The following CNTNAP2 variants were observed in gnomAD, a reference collection of about 807,000 sequenced individuals.
CNTNAP2 encodes the protein contactin associated protein 2.
Under a neutral mutation model 155.2 loss-of-function variants are expected in CNTNAP2, and 98 were observed. The observed-to-expected ratio is 0.63, with a 90% confidence interval of 0.54 to 0.75. The LOEUF is 0.75. Ranked by LOEUF, CNTNAP2 falls within the 30% of genes least tolerant of loss-of-function variation. The pLI, the probability that CNTNAP2 is intolerant of heterozygous loss-of-function variation, is 0.00. For synonymous variants in CNTNAP2, 651 were observed against 631.2 expected (o/e 1.03, Z -0.47); for missense variants, 1,727 against 1,688.1 (o/e 1.02, Z -0.40).
chr7:148,312,223 G>C (rs972211414), intron 21 of CNTNAP2, among the ~76,000 whole-genome samples: 2 of 152,162 alleles, frequency 1.3e-5, no homozygotes, highest in Admixed American at 1.3e-4. Context: ...TCTTGTGTAA[G>C]AATTCTGACC....
Position 148,175,729 on chromosome 7 carries a change from A to G in CNTNAP2, c.3010+3251A>G, listed in dbSNP as rs561092751. ...AGGTCATAAAATAGCCCAGGGGGAC[A>G]GATAAGCTAAGTCTCACCCCTGTAT... On this transcript the variant is annotated intron_variant, in intron 18 of 23. Transcript: ENST00000361727. 2.3e-3 allele frequency among the ~76,000 whole-genome samples: 345 copies of G among 152,274 alleles called. 3 individuals are homozygous for G. The highest frequency in any genetic ancestry group is 0.017 in the Middle Eastern group (5 of 294).
intron 1 of CNTNAP2, among the ~76,000 whole-genome samples, chr7:146,297,651 T>A (rs1253288310): frequency 6.6e-6 from 1 of 152,100 alleles, no homozygotes; most frequent in Non-Finnish European, 1.5e-5. Flanking sequence ...AGGTAATAAC[T>A]ATCAGAGAGT....
At chr7:147,296,055 C>G (rs1413883771) in intron 8 of CNTNAP2, among the ~76,000 whole-genome samples, 1 of 152,032 alleles carries the variant, frequency 6.6e-6, no homozygotes, top group Non-Finnish European at 1.5e-5. Flanking sequence ...GAGAAATTGT[C>G]GTGGAATTCT....
chr7:146,673,961 C>A (rs1365834460), intron 1 of CNTNAP2, among the ~76,000 whole-genome samples: 2 of 152,178 alleles, frequency 1.3e-5, no homozygotes, highest in Non-Finnish European at 2.9e-5. Context: ...CTGTACATAA[C>A]CCTACTAAAA....
intron 10 of CNTNAP2, among the ~76,000 whole-genome samples, chr7:147,408,170 G>GCA (rs142983453): frequency 9.9e-5 from 15 of 151,826 alleles, no homozygotes; most frequent in Middle Eastern, 3.4e-3. Flanking sequence ...ATCAGAAAAA[G>GCA]CACACACACA....
chr7:147,908,487 CAG>C (rs2116760211), intron 14 of CNTNAP2, among the ~76,000 whole-genome samples: 2 of 152,298 alleles, frequency 1.3e-5, no homozygotes, highest in South Asian at 4.1e-4. Context: ...GTCTGGGAGT[CAG>C]AGCCCCTCCA....
At chr7:147,190,474 A>T (rs1404963859) in intron 8 of CNTNAP2, among the ~76,000 whole-genome samples, 1 of 152,204 alleles carries the variant, frequency 6.6e-6, no homozygotes. Flanking sequence ...GTATTGCAAT[A>T]TTCTGACTAA....
intron 4 of CNTNAP2, among the ~76,000 whole-genome samples, chr7:147,061,090 A>C (rs901069606): frequency 6.6e-6 from 1 of 152,148 alleles, no homozygotes; most frequent in African/African-American, 2.4e-5. Context: ...TGATAGAATC[A>C]AAGAGTTGAG....
At chr7:146,514,621 AT>A (rs1797514455) in intron 1 of CNTNAP2, among the ~76,000 whole-genome samples, 2 of 150,084 alleles carry the variant, frequency 1.3e-5, no homozygotes, top group Non-Finnish European at 3.0e-5. Context: ...AAATTTCTGA[AT>A]TGCTTTTCTG....
intron 8 of CNTNAP2, among the ~76,000 whole-genome samples, chr7:147,249,583 AATAAAG>A (rs1804142119): frequency 6.8e-6 from 1 of 147,026 alleles, no homozygotes; most frequent in Admixed American, 6.9e-5. Context: ...TGTCTCCTAT[AATAAAG>A]GAAGACATTG....
intron 20 of CNTNAP2, among the ~76,000 whole-genome samples, chr7:148,262,223 T>A (rs1432087544): frequency 2.0e-5 from 3 of 152,132 alleles, no homozygotes; most frequent in Non-Finnish European, 4.4e-5. Context: ...TTGGGCCTCT[T>A]AATGCATTTC....
intron 22 of CNTNAP2, among the ~76,000 whole-genome samples, chr7:148,389,391 G>T (rs909556206): frequency 6.6e-6 from 1 of 152,120 alleles, no homozygotes; most frequent in Non-Finnish European, 1.5e-5. Flanking sequence ...TGCCATCCAT[G>T]TAAGACATGA....
At chr7:147,216,297 G>T (rs1196267086) in intron 8 of CNTNAP2, among the ~76,000 whole-genome samples, 1 of 152,024 alleles carries the variant, frequency 6.6e-6, no homozygotes, top group Non-Finnish European at 1.5e-5. Context: ...TTAATTTCTA[G>T]GAGCTTTCTA....
chr7:146,406,450 T>C (rs1795793374), intron 1 of CNTNAP2, among the ~76,000 whole-genome samples: 1 of 152,228 alleles, frequency 6.6e-6, no homozygotes. Context: ...TATTTCTTTC[T>C]AGGACAGTTA....
At chr7:146,932,201 A>G (rs917443270) in intron 3 of CNTNAP2, among the ~76,000 whole-genome samples, 1 of 152,230 alleles carries the variant, frequency 6.6e-6, no homozygotes, top group Admixed American at 6.5e-5. Context: ...AAATATTGGC[A>G]AACTGAATCC....
intron 2 of CNTNAP2, among the ~76,000 whole-genome samples, chr7:146,839,071 G>A (rs1335293957): frequency 6.6e-6 from 1 of 152,036 alleles, no homozygotes; most frequent in Non-Finnish European, 1.5e-5. Context: ...TGCCAAAAGA[G>A]ATTTAACTTT....
At chr7:146,617,051 G>C (rs1051878342) in intron 1 of CNTNAP2, among the ~76,000 whole-genome samples, 1 of 152,048 alleles carries the variant, frequency 6.6e-6, no homozygotes, top group Non-Finnish European at 1.5e-5. Flanking sequence ...ACGGAGTCTC[G>C]CTCTGTCGCC....
chr7:148,312,398 T>C (rs1797610818), intron 21 of CNTNAP2, among the ~76,000 whole-genome samples: 2 of 152,176 alleles, frequency 1.3e-5, no homozygotes, highest in African/African-American at 2.4e-5. Flanking sequence ...ACTGAAGTAA[T>C]GGGAGCTGTC....
chr7:147,280,271 C>CT (rs1440345588), intron 8 of CNTNAP2, among the ~76,000 whole-genome samples: 1 of 151,810 alleles, frequency 6.6e-6, no homozygotes, highest in Non-Finnish European at 1.5e-5. Flanking sequence ...ACAACTGAGG[C>CT]TTTTACAGGA....
Sources: allele counts gnomAD v4.1 joint callset (sites outside exome capture counted in the v4.1 genomes callset), GRCh38; gene constraint gnomAD v4.1.1; transcripts MANE v1.5; gene names NCBI Gene and HGNC (gene_info 2026-07-23, HGNC 2026-07-21).